Variants in RBFOX1 observed in about 807,000 individuals in gnomAD.
RBFOX1 encodes RNA binding fox-1 homolog 1.
RBFOX1 carries 8 observed loss-of-function variants against 57.7 expected under a neutral mutation model. The observed-to-expected ratio is 0.14, with a 90% CI of 0.08 to 0.25. RBFOX1 has a LOEUF of 0.25. Among genes scored for constraint, RBFOX1 ranks in the 10% least tolerant of loss-of-function variants. RBFOX1 has a pLI of 1.00. For missense variants in RBFOX1, 611 were observed against 548.5 expected (o/e 1.11, Z -1.14); for synonymous variants, 326 against 222.4 (o/e 1.47, Z -4.15).
rs117704477 is a variant in RBFOX1, at chr16:6,403,304, G to T, written c.-64+86247G>T. The stretch of plus-strand genomic sequence containing the variant: ...TGTCTAAACCAGACCTGCCACTCAG[G>T]TGTTAAGAACCCAAGCAATAAGGGG... On this transcript the variant is annotated intron_variant, in intron 2 of 15. Coordinates refer to ENST00000550418, the MANE Select transcript of RBFOX1 (RefSeq NM_018723.4). Among the ~76,000 whole-genome samples, 499 of 152,266 alleles carry T rather than the reference G, an allele frequency of 3.3e-3. 9 individuals are homozygous for T. Among genetic ancestry groups the T allele is most frequent in the East Asian group, 0.031 (159 of 5,168 alleles).
intron 4 of RBFOX1, among the ~76,000 whole-genome samples, chr16:7,251,184 C>T (rs1044369608): frequency 3.3e-5 from 5 of 152,110 alleles, no homozygotes; most frequent in Admixed American, 1.3e-4. Flanking sequence ...AATCCCACCC[C>T]AGCCCCTGGT....
intron 3 of RBFOX1, among the ~76,000 whole-genome samples, chr16:5,626,096 T>A (rs1418047634): frequency 6.6e-6 from 1 of 152,140 alleles, no homozygotes; most frequent in Non-Finnish European, 1.5e-5. Flanking sequence ...GTCAGGCTGG[T>A]CTCGAGCTCC....
chr16:6,386,231 A>C (rs1281663543), intron 2 of RBFOX1, among the ~76,000 whole-genome samples: 1 of 152,156 alleles, frequency 6.6e-6, no homozygotes, highest in African/African-American at 2.4e-5. Context: ...ACACATTTCT[A>C]AGCTTCACAC....
intron 3 of RBFOX1, among the ~76,000 whole-genome samples, chr16:6,935,606 G>T (rs2077231125): frequency 6.6e-6 from 1 of 152,152 alleles, no homozygotes; most frequent in African/African-American, 2.4e-5. Flanking sequence ...TCCCCATTGT[G>T]CATGTACACA....
intron 2 of RBFOX1, among the ~76,000 whole-genome samples, chr16:5,559,904 T>C (rs1158487091): frequency 8.1e-6 from 1 of 123,382 alleles, no homozygotes; most frequent in African/African-American, 2.8e-5. Context: ...CCTGAGATCC[T>C]TTATTCTTCC....
chr16:5,271,768 G>C (rs1432355860), intron 1 of RBFOX1, among the ~76,000 whole-genome samples: 7 of 152,076 alleles, frequency 4.6e-5, no homozygotes, highest in African/African-American at 9.7e-5. Context: ...CTGCGCCCCA[G>C]CCCCTGATAA....
intron 4 of RBFOX1, among the ~76,000 whole-genome samples, chr16:7,509,741 A>G (rs761051429): frequency 3.3e-5 from 5 of 151,468 alleles, no homozygotes; most frequent in Admixed American, 6.6e-5. Flanking sequence ...CTATCTCTCT[A>G]TCTCTTTAAA....
intron 1 of RBFOX1, among the ~76,000 whole-genome samples, chr16:5,310,173 C>T (rs1001406792): frequency 5.3e-5 from 8 of 151,974 alleles, no homozygotes; most frequent in Admixed American, 2.0e-4. Context: ...CTGAGGTGGG[C>T]GGATCACTCG....
rs527608205 is a variant in RBFOX1, at chr16:7,667,369, C to T, written c.930+2401C>T. Among the ~76,000 whole-genome samples, 42 of 152,250 alleles carry T rather than the reference C, an allele frequency of 2.8e-4. No individual in the cohort carries two copies. The South Asian group carries it at 7.7e-3, about 28-fold the overall frequency. ...AATATGTTCTGCACCACAGAATATA[C>T]AGAACAAGATTCATCCTAGCTAGAA... On this transcript the variant is annotated intron_variant, in intron 13 of 15. Transcript: ENST00000550418.
chr16:7,446,795 GGTATTTTTTTTTTTTT>G (rs2098811465), intron 4 of RBFOX1, among the ~76,000 whole-genome samples: 1 of 128,090 alleles, frequency 7.8e-6, no homozygotes, highest in African/African-American at 2.9e-5. Context: ...GGTAGGTCTA[GGTATTTTTTTTTTTTT>G]TTTTTTTTTT....
intron 3 of RBFOX1, among the ~76,000 whole-genome samples, chr16:5,854,557 AC>A (rs796351032): frequency 8.5e-4 from 121 of 142,360 alleles, no homozygotes; most frequent in African/African-American, 3.1e-3. Flanking sequence ...TACCTATCTT[AC>A]CCCCCCCACA....
intron 1 of RBFOX1, among the ~76,000 whole-genome samples, chr16:6,297,240 C>A (rs758848433): frequency 6.6e-6 from 1 of 152,114 alleles, no homozygotes; most frequent in Non-Finnish European, 1.5e-5. Flanking sequence ...GTGCCAACCT[C>A]CTATCTCATC....
intron 4 of RBFOX1, among the ~76,000 whole-genome samples, chr16:5,985,881 C>A (rs567530313): frequency 4.6e-5 from 7 of 152,226 alleles, no homozygotes; most frequent in East Asian, 3.9e-4. Flanking sequence ...ATCACACTTA[C>A]GTTTGAGAAG....
intron 2 of RBFOX1, among the ~76,000 whole-genome samples, chr16:6,505,162 T>G (rs1295571270): frequency 6.6e-6 from 1 of 152,256 alleles, no homozygotes; most frequent in African/African-American, 2.4e-5. Context: ...GCCCTAGTTA[T>G]GCAGTTTCTT....
chr16:7,360,386 T>C (rs575153182), intron 4 of RBFOX1, among the ~76,000 whole-genome samples: 73 of 152,284 alleles, frequency 4.8e-4, no homozygotes, highest in Non-Finnish European at 9.0e-4. Flanking sequence ...CTGAAATAAA[T>C]GAAGTGGTCT....
intron 2 of RBFOX1, among the ~76,000 whole-genome samples, chr16:6,457,452 A>G (rs1373421101): frequency 2.3e-5 from 2 of 86,192 alleles, no homozygotes; most frequent in Non-Finnish European, 3.3e-5. Flanking sequence ...CCCCCCCGCA[A>G]TAGCTTTGAT....
chr16:7,179,509 A>C (rs1166664539), intron 4 of RBFOX1, among the ~76,000 whole-genome samples: 1 of 152,150 alleles, frequency 6.6e-6, no homozygotes, highest in Non-Finnish European at 1.5e-5. Context: ...CTGCAGACCA[A>C]TTAATTATGT....
intron 2 of RBFOX1, among the ~76,000 whole-genome samples, chr16:6,600,740 C>G (rs1275700929): frequency 6.6e-6 from 1 of 152,036 alleles, no homozygotes; most frequent in African/African-American, 2.4e-5. Context: ...TTTGTCCTCA[C>G]AGACAGACAG....
chr16:5,483,944 G>T (rs1415046751), intron 2 of RBFOX1, among the ~76,000 whole-genome samples: 1 of 152,108 alleles, frequency 6.6e-6, no homozygotes, highest in Non-Finnish European at 1.5e-5. Flanking sequence ...GTAGAGGCAG[G>T]AGGATTGCTT....
Sources: allele counts gnomAD v4.1 joint callset (sites outside exome capture counted in the v4.1 genomes callset), GRCh38; gene constraint gnomAD v4.1.1; transcripts MANE v1.5; gene names NCBI Gene and HGNC (gene_info 2026-07-23, HGNC 2026-07-21).